Variants in STK33 observed in about 807,000 individuals in gnomAD.
The protein encoded by STK33 is serine/threonine-protein kinase 33.
Under a neutral mutation model 58.0 loss-of-function variants are expected in STK33, and 52 were observed. The observed-to-expected ratio is 0.90, with a 90% CI of 0.72 to 1.13. The LOEUF (loss-of-function observed/expected upper bound fraction) is 1.13. STK33 is among the 50% of genes most tolerant of loss of function. The pLI is 0.00. For missense variants in STK33, 630 were observed against 604.2 expected, an observed-to-expected ratio of 1.04 and a Z score of -0.45; for synonymous variants, 215 against 200.1, an observed-to-expected ratio of 1.07 and a Z score of -0.63.
intron 11 of STK33, among the ~76,000 whole-genome samples, chr11:8,448,728 G>A (rs1945852643): frequency 6.6e-6 from 1 of 152,040 alleles, no homozygotes. Flanking sequence ...CATGGGCAAG[G>A]ACTTCATGTC....
intron 1 of STK33, among the ~76,000 whole-genome samples, chr11:8,541,447 C>T (rs1955511441): frequency 6.6e-6 from 1 of 152,130 alleles, no homozygotes; most frequent in African/African-American, 2.4e-5. Flanking sequence ...AATTTTCTAA[C>T]TTCAGAGAAC....
intron 1 of STK33, among the ~76,000 whole-genome samples, chr11:8,514,898 T>C (rs1426918411): frequency 1.3e-5 from 2 of 152,098 alleles, no homozygotes; most frequent in African/African-American, 2.4e-5. Context: ...AGTTATCAGA[T>C]AGAGACTCTA....
chr11:8,505,390 G>A (rs1478923928), intron 1 of STK33, among the ~76,000 whole-genome samples: 1 of 152,196 alleles, frequency 6.6e-6, no homozygotes, highest in Non-Finnish European at 1.5e-5. Context: ...TCTCCCCTCT[G>A]ACATTCTCGG....
intron 1 of STK33, among the ~76,000 whole-genome samples, chr11:8,520,400 AAAAACTGGAAGCATTCCCTTTG>A: frequency 6.6e-6 from 1 of 152,304 alleles, no homozygotes; most frequent in South Asian, 2.1e-4. Flanking sequence ...CTGAATGGGC[AAAAACTGGAAGCATTCCCTTTG>A]AAAACTGGCA....
At chr11:8,449,454 T>TA (rs1359201746) in intron 11 of STK33, among the ~76,000 whole-genome samples, 1 of 151,508 alleles carries the variant, frequency 6.6e-6, no homozygotes, top group Non-Finnish European at 1.5e-5. Context: ...TATGCAGCCA[T>TA]AAAAAATGAT....
intron 1 of STK33, among the ~76,000 whole-genome samples, chr11:8,511,016 T>G (rs531600751): frequency 6.6e-6 from 1 of 152,320 alleles, no homozygotes; most frequent in African/African-American, 2.4e-5. Flanking sequence ...GTTTTTCTAG[T>G]TCTGTGAAGA....
intron 14 of STK33, among the ~76,000 whole-genome samples, chr11:8,415,021 C>T (rs1455625548): frequency 6.6e-6 from 1 of 152,060 alleles, no homozygotes; most frequent in African/African-American, 2.4e-5. Context: ...AGTCTCAGAG[C>T]ACTCATCTGA....
intron 1 of STK33, among the ~76,000 whole-genome samples, chr11:8,593,096 A>T (rs1387659853): frequency 6.6e-6 from 1 of 152,214 alleles, no homozygotes; most frequent in Non-Finnish European, 1.5e-5. Context: ...GATGAGGCCA[A>T]GATTTCTGAT....
At chr11:8,489,397 A>G (rs559465945) in intron 1 of STK33, among the ~76,000 whole-genome samples, 52 of 152,340 alleles carry the variant, frequency 3.4e-4, no homozygotes, top group African/African-American at 1.1e-3. Flanking sequence ...CTGCTATAAC[A>G]GAATACCACA....
intron 11 of STK33, among the ~76,000 whole-genome samples, chr11:8,448,415 G>A: frequency 6.6e-6 from 1 of 152,144 alleles, no homozygotes; most frequent in Non-Finnish European, 1.5e-5. Flanking sequence ...AAACAGCATG[G>A]TACTGGTCCC....
intron 1 of STK33, chr11:8,580,885 A>G (rs964049625): frequency 2.0e-5 from 3 of 152,136 alleles, no homozygotes; most frequent in African/African-American, 7.2e-5. Flanking sequence ...ACAACTTAGC[A>G]CTTCATCGTG....
intron 1 of STK33, among the ~76,000 whole-genome samples, chr11:8,503,473 G>A (rs1951661681): frequency 6.6e-6 from 1 of 151,988 alleles, no homozygotes. Context: ...CTTGAGAATG[G>A]AGGGTGAGAG....
rs959519827 is a variant in STK33 at position 8,445,506 on chromosome 11, C to G, written c.872-4753G>C. ...GCTTTTGCCCATTCAGTATGATATTCGCTGTTGGTGTGTCATAAATAGCTC... is the reference window on the plus strand; with the variant it reads ...GCTTTTGCCCATTCAGTATGATATTGGCTGTTGGTGTGTCATAAATAGCTC... On this transcript the variant is annotated intron_variant, in intron 11 of 15. Coordinates refer to ENST00000687296, the MANE Select transcript of STK33 (RefSeq NM_001352389.2). Among the ~76,000 whole-genome samples, 4 of 152,070 alleles carry G rather than the reference C, an allele frequency of 2.6e-5. No homozygotes were observed. The East Asian group carries it at 5.8e-4, about 22-fold the overall frequency.
At chr11:8,365,494 G>C in the STK33 span, among the ~76,000 whole-genome samples, 2 of 152,196 alleles carry the variant, frequency 1.3e-5, no homozygotes, top group African/African-American at 4.8e-5. Context: ...CAGCCATTCT[G>C]GGGGTGTCCC....
At chr11:8,474,272 A>C (rs1371670748) in intron 5 of STK33, among the ~76,000 whole-genome samples, 1 of 152,202 alleles carries the variant, frequency 6.6e-6, no homozygotes, top group Non-Finnish European at 1.5e-5. Flanking sequence ...AGTATAGTTG[A>C]TATTCCACCT....
At chr11:8,559,045 C>T (rs1956954887) in intron 1 of STK33, among the ~76,000 whole-genome samples, 5 of 152,182 alleles carry the variant, frequency 3.3e-5, no homozygotes, top group Admixed American at 2.0e-4. Flanking sequence ...TGGTATAATT[C>T]ACATGGCCAA....
chr11:8,465,974 GA>G (rs746876123), intron 6 of STK33: 3 of 152,256 alleles, frequency 2.0e-5, no homozygotes, highest in Non-Finnish European at 4.4e-5. Flanking sequence ...CTTGTACACA[GA>G]AACTCCTGTT....
At chr11:8,471,294 T>A (rs965219743) in intron 6 of STK33, among the ~76,000 whole-genome samples, 1 of 152,232 alleles carries the variant, frequency 6.6e-6, no homozygotes, top group South Asian at 2.1e-4. Flanking sequence ...ACTAGTTTTT[T>A]ACAAACTAAT....
At chr11:8,535,273 T>G (rs770900774) in intron 1 of STK33, among the ~76,000 whole-genome samples, 1 of 152,102 alleles carries the variant, frequency 6.6e-6, no homozygotes, top group Admixed American at 6.6e-5. Context: ...TCCCAATCAA[T>G]GCAAAAATTT....
Sources: gnomAD v4.1 joint callset for allele counts (sites outside exome capture counted in the v4.1 genomes callset) on GRCh38, gnomAD v4.1.1 for gene constraint, MANE v1.5 for transcripts, NCBI Gene and HGNC (gene_info 2026-07-23, HGNC 2026-07-21) for gene names.